SYNPR: variants seen among roughly 807,000 people sequenced by gnomAD.
SYNPR encodes synaptoporin.
SYNPR carries 23 observed loss-of-function variants against 32.9 expected under a neutral mutation model. The ratio of observed to expected loss-of-function variants is 0.70; its 90% CI spans 0.50 to 0.99. The LOEUF (loss-of-function observed/expected upper bound fraction) is 0.99, where lower values mean the gene tolerates loss of function less well. Ranked by LOEUF, SYNPR falls within the 50% of genes least tolerant of loss-of-function variation. The pLI is 0.00. For missense variants in SYNPR, 318 were observed against 349.3 expected, an observed-to-expected ratio of 0.91 and a Z score of 0.71; for synonymous variants, 146 against 135.9, an observed-to-expected ratio of 1.07 and a Z score of -0.52.
intron 2 of SYNPR, among the ~76,000 whole-genome samples, chr3:63,466,288 A>T (rs1203068180): frequency 6.6e-6 from 1 of 150,658 alleles, no homozygotes; most frequent in Non-Finnish European, 1.5e-5. Context: ...GACTTTCTGT[A>T]GTTTGCTGTT....
chr3:63,347,866 A>T (rs2107012681), intron 2 of SYNPR, among the ~76,000 whole-genome samples: 1 of 146,798 alleles, frequency 6.8e-6, no homozygotes, highest in South Asian at 2.2e-4. Flanking sequence ...ATGGCTGAAT[A>T]GTATTCCATT....
At chr3:63,596,748 G>C (rs1288175129) in intron 4 of SYNPR, among the ~76,000 whole-genome samples, 1 of 152,128 alleles carries the variant, frequency 6.6e-6, no homozygotes, top group Non-Finnish European at 1.5e-5. Flanking sequence ...GACCATCTCA[G>C]ACCAAACTAC....
chr3:63,269,373 C>T (rs991445131), intron 3 of SYNPR, among the ~76,000 whole-genome samples: 1 of 152,020 alleles, frequency 6.6e-6, no homozygotes, highest in Non-Finnish European at 1.5e-5. Context: ...CCTATAATCC[C>T]AGCTACTTGG....
rs1278348277 is a variant in SYNPR at position 63,591,399 on chromosome 3, G to A, written c.409-17726G>A. 6.3e-5 allele frequency among the ~76,000 whole-genome samples: 8 copies of A among 127,540 alleles called. No homozygotes were observed. The South Asian group carries it at 2.0e-3, about 32-fold the overall frequency. 83.7% of individuals were successfully genotyped at this position (127,540 alleles called of 152,430 possible). A position where few individuals can be genotyped will look rare whatever the true frequency, so the allele number is the denominator to read the frequency against. On this transcript the variant is annotated intron_variant, in intron 4 of 5. Coordinates refer to ENST00000478300, the MANE Select transcript of SYNPR (RefSeq NM_001130003.2). ...CAACCATTGTGGAAGTCAGTGTGGC[G>A]ATTCCTCAGGGATCTAGAACTAGAA...
intron 3 of SYNPR, among the ~76,000 whole-genome samples, chr3:63,541,130 A>G (rs1505597): frequency 0.12 from 17,871 of 151,396 alleles, 1,201 homozygotes; most frequent in Middle Eastern, 0.22. Context: ...TGCGAATGTC[A>G]GACTTCCATT....
At chr3:63,526,667 T>G (rs984999769) in intron 3 of SYNPR, among the ~76,000 whole-genome samples, 4 of 152,176 alleles carry the variant, frequency 2.6e-5, no homozygotes, top group Non-Finnish European at 5.9e-5. Flanking sequence ...AGAAAAATAC[T>G]AAGTAAATAG....
At chr3:63,229,993 C>G (rs1013736743) in intron 1 of SYNPR, among the ~76,000 whole-genome samples, 2 of 152,140 alleles carry the variant, frequency 1.3e-5, no homozygotes, top group African/African-American at 4.8e-5. Flanking sequence ...AGAATCAACT[C>G]AGATACCACC....
chr3:63,218,350 G>T, the SYNPR span, among the ~76,000 whole-genome samples: 1 of 152,176 alleles, frequency 6.6e-6, no homozygotes, highest in African/African-American at 2.4e-5. Context: ...CCAATAGAGG[G>T]ATGAAGGGAG....
chr3:63,335,217 G>A (rs2087275250), intron 2 of SYNPR, among the ~76,000 whole-genome samples: 1 of 152,082 alleles, frequency 6.6e-6, no homozygotes, highest in Non-Finnish European at 1.5e-5. Context: ...GCCAGGCGTG[G>A]TGGCGGGTGC....
At chr3:63,383,372 A>G (rs181944468) in intron 2 of SYNPR, among the ~76,000 whole-genome samples, 1 of 152,332 alleles carries the variant, frequency 6.6e-6, no homozygotes, top group Non-Finnish European at 1.5e-5. Flanking sequence ...TTCCATATTT[A>G]TTAAGCAGAC....
chr3:63,393,042 A>C (rs2088160178), intron 2 of SYNPR, among the ~76,000 whole-genome samples: 1 of 152,228 alleles, frequency 6.6e-6, no homozygotes, highest in Non-Finnish European at 1.5e-5. Flanking sequence ...CACACATGAT[A>C]GCATTCCCTA....
intron 3 of SYNPR, among the ~76,000 whole-genome samples, chr3:63,552,718 T>A (rs942948511): frequency 6.6e-6 from 1 of 152,138 alleles, no homozygotes; most frequent in African/African-American, 2.4e-5. Flanking sequence ...AATATATATA[T>A]CCTAGTTAAT....
chr3:63,404,665 TATAAG>T (rs985772927), intron 2 of SYNPR, among the ~76,000 whole-genome samples: 6 of 152,254 alleles, frequency 3.9e-5, no homozygotes, highest in East Asian at 1.9e-4. Context: ...CATTCTACTT[TATAAG>T]ATATTTTAAT....
At chr3:63,485,152 A>T (rs1336408515) in intron 3 of SYNPR, among the ~76,000 whole-genome samples, 1 of 152,106 alleles carries the variant, frequency 6.6e-6, no homozygotes, top group African/African-American at 2.4e-5. Flanking sequence ...ATGAAGTCAC[A>T]TCTGGATGAA....
At position 63,609,106 on chromosome 3, in the gene SYNPR, T is replaced by G; in HGVS notation, c.409-19T>G. 6.3e-7 allele frequency: 1 copy of G among 1,579,914 alleles called. No individual in the cohort carries two copies. ...TCACATTTTCTTTTACCATTTTCTA[T>G]TCTGATTTGTTTCTGTAGGACTTCA... On this transcript the variant is annotated intron_variant, in intron 4 of 5. Transcript: ENST00000478300.
chr3:63,413,858 T>C (rs1221375337), intron 2 of SYNPR, among the ~76,000 whole-genome samples: 2 of 151,990 alleles, frequency 1.3e-5, no homozygotes, highest in African/African-American at 4.8e-5. Context: ...ATGGAGGAGT[T>C]GAACATTATC....
chr3:63,202,396 C>G, the SYNPR span, among the ~76,000 whole-genome samples: 1 of 152,106 alleles, frequency 6.6e-6, no homozygotes, highest in Non-Finnish European at 1.5e-5. Context: ...CAGGGAAGAT[C>G]TCTCAAATGA....
intron 2 of SYNPR, among the ~76,000 whole-genome samples, chr3:63,477,613 G>A (rs368979132): frequency 2.6e-5 from 4 of 152,148 alleles, no homozygotes; most frequent in African/African-American, 4.8e-5. Context: ...TCTTCAGCTC[G>A]TCTAAGCAGC....
intron 2 of SYNPR, among the ~76,000 whole-genome samples, chr3:63,463,949 A>G (rs2106660736): frequency 6.6e-6 from 1 of 151,980 alleles, no homozygotes; most frequent in East Asian, 1.9e-4. Flanking sequence ...TTCACATTTT[A>G]TGTAGATGCC....
Sources: gnomAD v4.1 joint callset for allele counts (sites outside exome capture counted in the v4.1 genomes callset) on GRCh38, gnomAD v4.1.1 for gene constraint, MANE v1.5 for transcripts, NCBI Gene and HGNC (gene_info 2026-07-23, HGNC 2026-07-21) for gene names.